PARD3B: variants seen among roughly 807,000 people sequenced by gnomAD.
The protein encoded by PARD3B is partitioning defective 3 homolog B.
In PARD3B, 103 loss-of-function variants were observed where a neutral mutation model predicts 130.2. That is an observed-to-expected ratio of 0.79 (90% CI 0.67 to 0.93). The LOEUF (loss-of-function observed/expected upper bound fraction) is 0.93. Ranked by LOEUF, PARD3B falls within the 40% of genes least tolerant of loss-of-function variation. PARD3B has a pLI of 0.00. For synonymous variants in PARD3B, 583 were observed against 553.2 expected, an observed-to-expected ratio of 1.05 and a Z score of -0.76; for missense variants, 1,609 against 1,499.2, an observed-to-expected ratio of 1.07 and a Z score of -1.21.
intron 2 of PARD3B, among the ~76,000 whole-genome samples, chr2:204,736,086 T>C (rs2039735526): frequency 1.3e-5 from 2 of 152,144 alleles, no homozygotes; most frequent in Admixed American, 1.3e-4. Context: ...ACATCCCTCT[T>C]ACTCCCTCTT....
rs534168928 is a variant in PARD3B at position 204,620,115 on chromosome 2, C to A, written c.121-66066C>A. On this transcript the variant is annotated intron_variant, in intron 1 of 22. Coordinates refer to ENST00000406610, the MANE Select transcript of PARD3B (RefSeq NM_001302769.2). Reference sequence around the variant, plus strand: ...CTCCTGGGTTCAAGCAATTCTCCTGCCACAGCCTCCCAAGTAGCTGGGATT... The same window carrying A: ...CTCCTGGGTTCAAGCAATTCTCCTGACACAGCCTCCCAAGTAGCTGGGATT... 2.0e-5 allele frequency among the ~76,000 whole-genome samples: 3 copies of A among 152,292 alleles called. No homozygotes were observed. The South Asian group carries it at 6.2e-4, about 32-fold the overall frequency.
chr2:204,913,903 G>A (rs1040163919), intron 2 of PARD3B, among the ~76,000 whole-genome samples: 1 of 152,166 alleles, frequency 6.6e-6, no homozygotes, highest in African/African-American at 2.4e-5. Context: ...TGGTCTAAAG[G>A]CACCGTGAAA....
In PARD3B at chr2:205,568,220, G is replaced by C. The variant is rs78013379; in HGVS notation, c.3260+14817G>C. Among the ~76,000 whole-genome samples the C allele has an allele frequency of 2.0e-5, 3 of 152,166 alleles. No homozygotes were observed. The highest frequency in any genetic ancestry group is 4.4e-5 in the Non-Finnish European group (3 of 68,038). On this transcript the variant is annotated intron_variant, in intron 22 of 22. Coordinates refer to ENST00000406610, the MANE Select transcript of PARD3B (RefSeq NM_001302769.2). The surrounding 1 kb of genome is among the most constrained non-coding windows in gnomAD (Gnocchi z 5.3). ...AGCAGATCAGTTGTGGTTGCCTTTC[G>C]TGAGAGAAAACATATGAGATTAGTA...
chr2:205,027,926 T>C (rs1386412414), intron 3 of PARD3B, among the ~76,000 whole-genome samples: 1 of 152,304 alleles, frequency 6.6e-6, no homozygotes, highest in East Asian at 1.9e-4. Context: ...GGTCAATGTG[T>C]CTTGTTTTTA....
At position 205,047,681 on chromosome 2, in the gene PARD3B, G is replaced by A. The variant is rs369455933; in HGVS notation, c.495G>A (p.Leu165=). 408 of 1,540,198 alleles carry A rather than the reference G, an allele frequency of 2.6e-4. No individual in the cohort carries two copies. Among genetic ancestry groups the A allele is most frequent in the Non-Finnish European group, 3.4e-4 (392 of 1,137,202 alleles). The change falls in exon 4 of 23, where the codon CTG becomes CTA. Residue 165 remains leucine (L), a synonymous_variant. Coordinates refer to ENST00000406610, the MANE Select transcript of PARD3B (RefSeq NM_001302769.2). ...ASHPGGQSLK[L]VVPDSTQNLE... ...ACCCTGGTGGCCAGAGTCTGAAACT[G>A]GTTGTTCCAGTAGGTATCCTGCTGC...
intron 3 of PARD3B, among the ~76,000 whole-genome samples, chr2:204,975,487 G>A (rs1276702415): frequency 3.9e-5 from 6 of 152,106 alleles, no homozygotes; most frequent in Non-Finnish European, 7.4e-5. Context: ...CTCTTTTAAC[G>A]GTAGGTGGTT....
chr2:205,488,823 T>C (rs1452187541), intron 20 of PARD3B, among the ~76,000 whole-genome samples: 1 of 152,198 alleles, frequency 6.6e-6, no homozygotes, highest in African/African-American at 2.4e-5. Context: ...CTTAAATTGC[T>C]ATTCTGCCCC....
At chr2:205,206,903 A>C (rs2037349036) in intron 15 of PARD3B, among the ~76,000 whole-genome samples, 1 of 149,040 alleles carries the variant, frequency 6.7e-6, no homozygotes. Context: ...CCCCAAATCA[A>C]CAGAATATAC....
intron 4 of PARD3B, among the ~76,000 whole-genome samples, chr2:205,090,411 T>C (rs4675493): frequency 0.99 from 151,163 of 152,350 alleles, 75,008 homozygotes; most frequent in Middle Eastern, 1. Flanking sequence ...CCATTCCTTG[T>C]TATTATTCTC....
intron 22 of PARD3B, among the ~76,000 whole-genome samples, chr2:205,577,660 T>G (rs959947719): frequency 6.6e-6 from 1 of 152,226 alleles, no homozygotes. Context: ...TAAAAATGAA[T>G]TACGCTTGGC....
At chr2:204,896,724 A>T (rs186356756) in intron 2 of PARD3B, among the ~76,000 whole-genome samples, 8 of 152,324 alleles carry the variant, frequency 5.3e-5, no homozygotes, top group Admixed American at 3.9e-4. Context: ...TCATTTAGAA[A>T]GGGAGTGGAC....
chr2:204,847,123 G>T (rs1227069343), intron 2 of PARD3B, among the ~76,000 whole-genome samples: 1 of 149,458 alleles, frequency 6.7e-6, no homozygotes, highest in Non-Finnish European at 1.5e-5. Context: ...AGGTATGTTT[G>T]TTTCTTGAGG....
Position 205,125,218 on chromosome 2 carries a change from G to C in PARD3B, c.1306-391G>C, listed in dbSNP as rs964758557. Among the ~76,000 whole-genome samples the C allele has an allele frequency of 2.0e-5, 3 of 152,210 alleles. No homozygotes were observed. Among genetic ancestry groups the C allele is most frequent in the African/African-American group, 7.2e-5 (3 of 41,460 alleles). On this transcript the variant is annotated intron_variant, in intron 9 of 22. Coordinates refer to ENST00000406610, the MANE Select transcript of PARD3B (RefSeq NM_001302769.2). This position sits in a 1 kb window ranked among gnomAD's most constrained non-coding sequence, Gnocchi z 4.0. ...TAAAACCTGCAGGATTCTATTGCTA[G>C]GTTCGTATTTGCAGAGAAATTTGCC...
chr2:205,419,974 C>T (rs886448864), intron 19 of PARD3B, among the ~76,000 whole-genome samples: 3 of 152,138 alleles, frequency 2.0e-5, no homozygotes, highest in African/African-American at 7.2e-5. Context: ...CATATATTTT[C>T]GAAAGATTTG....
chr2:205,466,550 G>A (rs894634087), intron 20 of PARD3B, among the ~76,000 whole-genome samples: 12 of 152,156 alleles, frequency 7.9e-5, no homozygotes, highest in African/African-American at 2.7e-4. Flanking sequence ...CTACGAACCT[G>A]CCAAGAAAAG....
chr2:204,604,458 T>G (rs1264941203), intron 1 of PARD3B, among the ~76,000 whole-genome samples: 18 of 152,218 alleles, frequency 1.2e-4, no homozygotes, highest in Admixed American at 1.2e-3. Context: ...ACATCCAGTC[T>G]TTCCAATGGA....
At chr2:205,217,844 A>ATGTGTG (rs747500423) in intron 15 of PARD3B, among the ~76,000 whole-genome samples, 1,072 of 88,504 alleles carry the variant, frequency 0.012, 10 homozygotes, top group Non-Finnish European at 0.017. Context: ...ATGTGTGTAT[A>ATGTGTG]TGTGTGTGTG....
intron 18 of PARD3B, among the ~76,000 whole-genome samples, chr2:205,398,951 G>A (rs6734026): frequency 0.056 from 8,472 of 152,132 alleles, 782 homozygotes; most frequent in African/African-American, 0.19. Flanking sequence ...GTATGAAGCC[G>A]GCCCATACAT....
In PARD3B at chr2:205,615,804, A is replaced by G. The variant is rs1231266269; in HGVS notation, c.3609A>G (p.Ala1203=). ...CCCGGCAGAAGAACCCCATGACTGC[A>G]GCCGTATAGCTGAGTGCCACCGAGG... ...QDSRQKNPMT[A]AV Residue 1203 remains alanine, a synonymous_variant, in exon 23 of 23, where the codon GCA becomes GCG. Transcript: ENST00000406610. 5.6e-6 allele frequency: 9 copies of G among 1,612,838 alleles called. No individual in the cohort carries two copies. Among genetic ancestry groups the G allele is most frequent in the Non-Finnish European group, 7.6e-6 (9 of 1,179,314 alleles).
Sources: allele counts gnomAD v4.1 joint callset (sites outside exome capture counted in the v4.1 genomes callset), GRCh38; gene constraint gnomAD v4.1.1; non-coding constraint Gnocchi (gnomAD v3.1); transcripts MANE v1.5; gene names NCBI Gene and HGNC (gene_info 2026-07-23, HGNC 2026-07-21).